CAST: variants seen among roughly 807,000 people sequenced by gnomAD.
CAST encodes MIR583 host.
Under a neutral mutation model 119.6 loss-of-function variants are expected in CAST, and 76 were observed. The ratio of observed to expected loss-of-function variants is 0.64; its 90% CI spans 0.53 to 0.77. The LOEUF (loss-of-function observed/expected upper bound fraction) is 0.77, where lower values mean the gene tolerates loss of function less well. Ranked by LOEUF, CAST falls within the 30% of genes least tolerant of loss-of-function variation. The probability of loss-of-function intolerance (pLI) is 0.00; values close to 1 mark genes in which losing one functional copy is unlikely to be tolerated. For missense variants in CAST, 953 were observed against 946.5 expected, an observed-to-expected ratio of 1.01 and a Z score of -0.09; for synonymous variants, 319 against 331.6, an observed-to-expected ratio of 0.96 and a Z score of 0.41.
chr5:96,252,764 T>A, the CAST span, among the ~76,000 whole-genome samples: 1 of 152,162 alleles, frequency 6.6e-6, no homozygotes, highest in African/African-American at 2.4e-5. Context: ...TGACCTAGAT[T>A]TCTAAAATAC....
chr5:96,009,036 T>C, the CAST span, among the ~76,000 whole-genome samples: 2 of 152,160 alleles, frequency 1.3e-5, no homozygotes, highest in Non-Finnish European at 2.9e-5. Flanking sequence ...CAGTGTTTAG[T>C]TCCCACTTAC....
At chr5:96,239,530 T>C in the CAST span, among the ~76,000 whole-genome samples, 10 of 152,192 alleles carry the variant, frequency 6.6e-5, no homozygotes, top group South Asian at 2.1e-3. Context: ...TGCATGCATG[T>C]AGTACTCATT....
intron 1 of CAST, among the ~76,000 whole-genome samples, chr5:96,672,217 TTCTC>T (rs1274487456): frequency 3.3e-5 from 5 of 151,618 alleles, no homozygotes; most frequent in African/African-American, 1.2e-4. Context: ...TGCCCTCTTG[TTCTC>T]TCTCTCTGTC....
At chr5:96,381,240 AAT>A in the CAST span, among the ~76,000 whole-genome samples, 2 of 152,192 alleles carry the variant, frequency 1.3e-5, no homozygotes, top group Non-Finnish European at 2.9e-5. Flanking sequence ...TTTTCATAAA[AAT>A]ATGTTAATTA....
At chr5:96,221,751 A>C in the CAST span, among the ~76,000 whole-genome samples, 21 of 152,172 alleles carry the variant, frequency 1.4e-4, no homozygotes, top group Non-Finnish European at 3.1e-4. Flanking sequence ...AGAAATAGAA[A>C]AAAAATCCTA....
intron 1 of CAST, among the ~76,000 whole-genome samples, chr5:96,675,234 C>T (rs1490851819): frequency 6.6e-6 from 1 of 152,190 alleles, no homozygotes; most frequent in Non-Finnish European, 1.5e-5. Context: ...GAGATGTCTA[C>T]CGTGCTGAAA....
chr5:96,198,182 C>G, the CAST span, among the ~76,000 whole-genome samples: 2 of 152,162 alleles, frequency 1.3e-5, no homozygotes, highest in Non-Finnish European at 2.9e-5. Flanking sequence ...AGAGACTGGT[C>G]ACACATCCTG....
chr5:96,348,296 G>A, the CAST span, among the ~76,000 whole-genome samples: 4 of 151,984 alleles, frequency 2.6e-5, no homozygotes, highest in African/African-American at 9.7e-5. Flanking sequence ...AGGATTAAGG[G>A]AATATTTTAT....
At chr5:96,650,994 G>A in intron 1 of CAST, among the ~76,000 whole-genome samples, 1 of 152,068 alleles carries the variant, frequency 6.6e-6, no homozygotes, top group South Asian at 2.1e-4. Context: ...TTTCTGCTGT[G>A]CTCTCTCAGA....
chr5:96,321,599 G>A, the CAST span, among the ~76,000 whole-genome samples: 1 of 152,160 alleles, frequency 6.6e-6, no homozygotes, highest in South Asian at 2.1e-4. Flanking sequence ...ATTGGCTCTT[G>A]AAGGAATTTT....
chr5:96,686,082 G>T (rs1237919526), intron 2 of CAST, among the ~76,000 whole-genome samples: 1 of 152,032 alleles, frequency 6.6e-6, no homozygotes, highest in Non-Finnish European at 1.5e-5. Context: ...TGGACCTTGT[G>T]GGAGGCTTTG....
chr5:96,407,546 A>T, the CAST span, among the ~76,000 whole-genome samples: 2 of 152,228 alleles, frequency 1.3e-5, no homozygotes, highest in African/African-American at 2.4e-5. Context: ...AATATATATA[A>T]AAATCATTAA....
the CAST span, among the ~76,000 whole-genome samples, chr5:96,317,778 G>T: frequency 1.3e-5 from 2 of 152,108 alleles, no homozygotes; most frequent in African/African-American, 4.8e-5. Context: ...CTTAACTGAG[G>T]TGGGCCCCTT....
At chr5:96,279,137 A>G in the CAST span, among the ~76,000 whole-genome samples, 1 of 152,214 alleles carries the variant, frequency 6.6e-6, no homozygotes, top group Admixed American at 6.5e-5. Context: ...GTGGACTTCC[A>G]GCCAAATGAG....
chr5:96,121,509 G>A, the CAST span, among the ~76,000 whole-genome samples: 1 of 150,998 alleles, frequency 6.6e-6, no homozygotes, highest in African/African-American at 2.4e-5. Context: ...AACCTGATCA[G>A]GATAGAACTT....
At chr5:96,034,462 TACACACACACACACACACAC>T in the CAST span, among the ~76,000 whole-genome samples, 5 of 101,816 alleles carry the variant, frequency 4.9e-5, no homozygotes, top group South Asian at 3.8e-4. Flanking sequence ...GTATATATCA[TACACACACACACACACACAC>T]ACACACACAC....
chr5:96,763,234 A>T (rs762931772), intron 25 of CAST: 2 of 780,762 alleles, frequency 2.6e-6, no homozygotes, highest in Non-Finnish European at 2.4e-6. Context: ...ATCATCTGAA[A>T]ATATCCAGAG....
At chr5:95,971,794 T>G in the CAST span, among the ~76,000 whole-genome samples, 2 of 152,174 alleles carry the variant, frequency 1.3e-5, no homozygotes, top group South Asian at 4.1e-4. Flanking sequence ...AGTTTGTTCC[T>G]TTTTATTGCT....
the CAST span, chr5:96,432,793 G>C: frequency 7.4e-7 from 1 of 1,342,400 alleles, no homozygotes; most frequent in Non-Finnish European, 1.1e-6. Context: ...GCTCCCACTT[G>C]GAAGACCGCG....
Sources: gnomAD v4.1 joint callset for allele counts (sites outside exome capture counted in the v4.1 genomes callset) on GRCh38, gnomAD v4.1.1 for gene constraint, MANE v1.5 for transcripts, NCBI Gene and HGNC (gene_info 2026-07-23, HGNC 2026-07-21) for gene names.